Variants in NELL1 observed in about 807,000 individuals in gnomAD.
NELL1 encodes the protein protein kinase C-binding protein NELL1.
NELL1 carries 76 observed loss-of-function variants against 107.4 expected under a neutral mutation model. The observed-to-expected ratio is 0.71, with a 90% CI of 0.59 to 0.86. The LOEUF (loss-of-function observed/expected upper bound fraction) is 0.86. NELL1 is among the 40% of genes least tolerant of loss of function. The pLI, the probability that NELL1 is intolerant of heterozygous loss-of-function variation, is 0.00. For synonymous variants in NELL1, 353 were observed against 341.2 expected (o/e 1.03, Z -0.38); for missense variants, 1,024 against 1,005.5 (o/e 1.02, Z -0.25).
At chr11:20,952,908 C>T (rs1391162919) in intron 11 of NELL1, among the ~76,000 whole-genome samples, 1 of 152,158 alleles carries the variant, frequency 6.6e-6, no homozygotes, top group East Asian at 1.9e-4. Context: ...CTGTGAGAGT[C>T]GGGAGTTCAG....
chr11:21,400,040 T>C (rs1197168254), intron 15 of NELL1, among the ~76,000 whole-genome samples: 1 of 151,850 alleles, frequency 6.6e-6, no homozygotes, highest in Non-Finnish European at 1.5e-5. Flanking sequence ...TATGCATTAT[T>C]GGTGAACTAC....
intron 2 of NELL1, among the ~76,000 whole-genome samples, chr11:20,731,590 T>C (rs1000903158): frequency 6.6e-6 from 1 of 152,220 alleles, no homozygotes; most frequent in Admixed American, 6.5e-5. Context: ...TGCCTGAGTA[T>C]GAGGCTGTTG....
intron 2 of NELL1, among the ~76,000 whole-genome samples, chr11:20,704,738 G>A (rs999776463): frequency 6.6e-6 from 1 of 152,064 alleles, no homozygotes; most frequent in Non-Finnish European, 1.5e-5. Flanking sequence ...TGTCTGTAAA[G>A]GATTTTATTT....
intron 14 of NELL1, among the ~76,000 whole-genome samples, chr11:21,336,016 CATTA>C (rs1437082941): frequency 6.6e-6 from 1 of 151,990 alleles, no homozygotes; most frequent in Non-Finnish European, 1.5e-5. Flanking sequence ...ATTTATATAG[CATTA>C]ATTAAGGTAC....
chr11:21,376,268 C>G (rs533747207), intron 15 of NELL1, among the ~76,000 whole-genome samples: 1 of 152,202 alleles, frequency 6.6e-6, no homozygotes, highest in African/African-American at 2.4e-5. Flanking sequence ...GTGCATATGG[C>G]TAGCCAGCTA....
intron 14 of NELL1, among the ~76,000 whole-genome samples, chr11:21,251,119 G>C (rs1449394662): frequency 2.0e-5 from 3 of 152,146 alleles, no homozygotes; most frequent in Non-Finnish European, 4.4e-5. Flanking sequence ...GGAGGTTTTT[G>C]AGATATACTG....
chr11:20,931,236 G>A (rs931086922), intron 9 of NELL1, among the ~76,000 whole-genome samples: 1 of 151,990 alleles, frequency 6.6e-6, no homozygotes, highest in Non-Finnish European at 1.5e-5. Flanking sequence ...AATACCGGGG[G>A]AAGGCCTGGG....
At chr11:20,872,671 G>GGTGGGTGT (rs1554935709) in intron 4 of NELL1, among the ~76,000 whole-genome samples, 15 of 137,094 alleles carry the variant, frequency 1.1e-4, no homozygotes, top group African/African-American at 4.0e-4. Flanking sequence ...CAGTGTTTGA[G>GGTGGGTGT]GTGTGTGTGT....
chr11:21,137,616 G>A (rs1855772421), intron 13 of NELL1, among the ~76,000 whole-genome samples: 1 of 152,204 alleles, frequency 6.6e-6, no homozygotes, highest in Non-Finnish European at 1.5e-5. Flanking sequence ...AAGGTCAAGT[G>A]AAAGATATTT....
At chr11:20,821,142 G>C (rs74971572) in intron 3 of NELL1, among the ~76,000 whole-genome samples, 1 of 152,180 alleles carries the variant, frequency 6.6e-6, no homozygotes, top group Non-Finnish European at 1.5e-5. Context: ...CTTGAAGCAT[G>C]AGTCAGAGTT....
rs867521630 is a variant in NELL1, at chr11:21,169,825, C to T, written c.1426+56111C>T. ...TGGGACAGAATCAGCCTGCTGAGCC[C>T]GATGCAAGTGCTTGCACCCCAGAGT... On this transcript the variant is annotated intron_variant, in intron 13 of 19. Transcript: ENST00000357134. The T allele has an allele frequency of 1.9e-5, 27 of 1,406,570 alleles. 1 individual carries two copies. The highest frequency in any genetic ancestry group is 1.8e-4 in the Middle Eastern group (1 of 5,618). 87.1% of individuals were successfully genotyped at this position (1,406,570 alleles called of 1,614,324 possible). A position where few individuals can be genotyped will look rare whatever the true frequency, so the allele number is the denominator to read the frequency against.
At chr11:21,012,927 T>C (rs1852479589) in intron 12 of NELL1, among the ~76,000 whole-genome samples, 1 of 152,154 alleles carries the variant, frequency 6.6e-6, no homozygotes, top group Admixed American at 6.5e-5. Flanking sequence ...TTAGTAATCC[T>C]GTGCCCTCTG....
intron 13 of NELL1, among the ~76,000 whole-genome samples, chr11:21,146,555 TTC>T (rs561718414): frequency 1.8e-4 from 28 of 152,292 alleles, no homozygotes; most frequent in Admixed American, 5.9e-4. Flanking sequence ...TTACTCCTAC[TTC>T]TCTCTCCTCC....
intron 4 of NELL1, among the ~76,000 whole-genome samples, chr11:20,862,597 AGCT>A (rs1180755780): frequency 7.9e-6 from 1 of 126,872 alleles, no homozygotes; most frequent in African/African-American, 2.9e-5. Context: ...AAATCTTTTG[AGCT>A]GCTGCTTTTT....
chr11:21,486,591 A>T (rs1369270421), intron 15 of NELL1, among the ~76,000 whole-genome samples: 1 of 152,170 alleles, frequency 6.6e-6, no homozygotes, highest in Non-Finnish European at 1.5e-5. Flanking sequence ...TGACACTTGG[A>T]AAGAGACACA....
chr11:21,032,377 T>C (rs1054218684), intron 12 of NELL1, among the ~76,000 whole-genome samples: 1 of 152,092 alleles, frequency 6.6e-6, no homozygotes, highest in Non-Finnish European at 1.5e-5. Flanking sequence ...TTATGTAGAA[T>C]TTTTGTTGTT....
intron 15 of NELL1, among the ~76,000 whole-genome samples, chr11:21,387,334 T>C (rs1429022818): frequency 6.6e-6 from 1 of 151,846 alleles, no homozygotes; most frequent in Non-Finnish European, 1.5e-5. Context: ...GTATCACTAA[T>C]CTATCTTGTG....
chr11:21,070,422 G>C (rs992244048), intron 12 of NELL1, among the ~76,000 whole-genome samples: 1 of 152,062 alleles, frequency 6.6e-6, no homozygotes, highest in Non-Finnish European at 1.5e-5. Flanking sequence ...TATAAGGTTG[G>C]CTTCTCAGAG....
chr11:20,822,858 G>C lies in NELL1; in HGVS notation c.336-24725G>C, dbSNP rs185502381. Reference sequence around the variant, plus strand: ...GTGCTCAGCTTTGCTTAAAGACCTTGGTCTTGTAGTAAGATAGACTGAATG... The same window carrying C: ...GTGCTCAGCTTTGCTTAAAGACCTTCGTCTTGTAGTAAGATAGACTGAATG... On this transcript the variant is annotated intron_variant, in intron 3 of 19. Coordinates refer to ENST00000357134, the MANE Select transcript of NELL1 (RefSeq NM_006157.5). Among the ~76,000 whole-genome samples, 282 of 152,284 alleles carry C rather than the reference G, an allele frequency of 1.9e-3. 1 individual carries two copies. Among genetic ancestry groups the C allele is most frequent in the Non-Finnish European group, 3.1e-3 (208 of 68,030 alleles).
Sources: allele counts gnomAD v4.1 joint callset (sites outside exome capture counted in the v4.1 genomes callset), GRCh38; gene constraint gnomAD v4.1.1; transcripts MANE v1.5; gene names NCBI Gene and HGNC (gene_info 2026-07-23, HGNC 2026-07-21).